The following LIFR variants were observed in gnomAD, a reference collection of about 807,000 sequenced individuals.
LIFR encodes the protein LIF receptor subunit alpha, also known as leukemia inhibitory factor receptor.
Under a neutral mutation model 122.2 loss-of-function variants are expected in LIFR, and 84 were observed. That is an observed-to-expected ratio of 0.69 (90% CI 0.58 to 0.82). LIFR has a LOEUF of 0.82. Among genes scored for constraint, LIFR ranks in the 40% least tolerant of loss-of-function variants. LIFR has a pLI of 0.00. For missense variants in LIFR, 1,294 were observed against 1,311.6 expected (o/e 0.99, Z 0.21); for synonymous variants, 422 against 434.7 (o/e 0.97, Z 0.36).
At chr5:38,556,795 T>A (rs1175868323), upstream of LIFR, 1 of 139,202 alleles carries the variant, frequency 7.2e-6, no homozygotes, top group African/African-American at 2.6e-5. Context: ...CGCGCGCGGG[T>A]GCTCCAAGGA....
chr5:38,499,794 G>C (rs1233191082), intron 11 of LIFR, among the ~76,000 whole-genome samples: 1 of 152,070 alleles, frequency 6.6e-6, no homozygotes, highest in East Asian at 1.9e-4. Context: ...TCTACCTGCA[G>C]GCCAGCTGTA....
At chr5:38,546,670 T>C (rs1747910991) in intron 1 of LIFR, among the ~76,000 whole-genome samples, 1 of 152,196 alleles carries the variant, frequency 6.6e-6, no homozygotes, top group African/African-American at 2.4e-5. Context: ...ATGTTGTCTA[T>C]CTTGCAGTAG....
At chr5:38,489,621 A>AT (rs1580010381) in intron 15 of LIFR, among the ~76,000 whole-genome samples, 4 of 152,196 alleles carry the variant, frequency 2.6e-5, no homozygotes, top group Admixed American at 2.6e-4. Flanking sequence ...CTAATTAAAT[A>AT]TTTTTGACAT....
intron 5 of LIFR, among the ~76,000 whole-genome samples, chr5:38,517,368 G>A (rs951231990): frequency 3.3e-5 from 5 of 152,110 alleles, no homozygotes; most frequent in African/African-American, 1.2e-4. Flanking sequence ...GGTTTGAGGA[G>A]TTATCCTAAG....
At chr5:38,492,079 G>A (rs1354077606) in intron 14 of LIFR, among the ~76,000 whole-genome samples, 2 of 152,188 alleles carry the variant, frequency 1.3e-5, no homozygotes, top group East Asian at 3.9e-4. Context: ...TGCCTACTAT[G>A]TGCCACTTGC....
intron 12 of LIFR, among the ~76,000 whole-genome samples, chr5:38,499,184 A>G (rs893782595): frequency 1.3e-5 from 2 of 152,154 alleles, no homozygotes; most frequent in Admixed American, 6.5e-5. Flanking sequence ...CTATTAATAG[A>G]AAAAAATATA....
intron 1 of LIFR, among the ~76,000 whole-genome samples, chr5:38,569,022 G>T (rs1279569126): frequency 1.3e-5 from 2 of 152,236 alleles, no homozygotes; most frequent in Non-Finnish European, 2.9e-5. Flanking sequence ...CCAGGAAGAG[G>T]TCATGACCTT....
intron 1 of LIFR, among the ~76,000 whole-genome samples, chr5:38,565,529 G>C (rs1326947129): frequency 6.6e-6 from 1 of 151,776 alleles, no homozygotes; most frequent in Non-Finnish European, 1.5e-5. Flanking sequence ...TATGAAATGA[G>C]ATGATGTATA....
intron 1 of LIFR, among the ~76,000 whole-genome samples, chr5:38,562,131 C>G (rs1748861896): frequency 6.6e-6 from 1 of 152,188 alleles, no homozygotes; most frequent in Admixed American, 6.5e-5. Flanking sequence ...TGAACTCTGT[C>G]CATCCCCTCT....
In LIFR at chr5:38,539,374, C is replaced by A. The variant is rs540763578; in HGVS notation, c.-19-8708G>T. On this transcript the variant is annotated intron_variant, in intron 1 of 19. Coordinates refer to ENST00000453190, the MANE Select transcript of LIFR (RefSeq NM_001127671.2). ...CATACCAGGTATTATGGAAATCATT[C>A]TCTCCCTTCCTTCCACCCTCTTTTC... Among the ~76,000 whole-genome samples, 66 of 152,136 alleles carry A rather than the reference C, an allele frequency of 4.3e-4. 1 individual carries two copies. Among genetic ancestry groups the A allele is most frequent in the Non-Finnish European group, 7.9e-4 (54 of 68,022 alleles).
intron 1 of LIFR, 138 bp from the exon 2 acceptor site, chr5:38,530,804 C>A: frequency 1.2e-6 from 1 of 816,076 alleles, no homozygotes. Context: ...TACTCAAACT[C>A]AAGCTTCCCT....
At position 38,489,062 on chromosome 5, in the gene LIFR, C is replaced by T. The variant is rs896502341; in HGVS notation, c.2335+16G>A. 1 of 1,605,328 alleles carries T rather than the reference C, an allele frequency of 6.2e-7. No individual in the cohort carries two copies. The highest frequency in any genetic ancestry group is 2.2e-5 in the East Asian group (1 of 44,728). The stretch of plus-strand genomic sequence containing the variant: ...ACTTCTAAGAAACACTTTCCTTGTG[C>T]TATCAATTTACTCACCTGATTCTAA... On this transcript the variant is annotated intron_variant, in intron 16 of 19. Coordinates refer to ENST00000453190, the MANE Select transcript of LIFR (RefSeq NM_001127671.2).
chr5:38,523,380 C>T (rs1746503177), intron 5 of LIFR, 39 bp downstream of exon 5: 1 of 1,556,270 alleles, frequency 6.4e-7, no homozygotes, highest in Non-Finnish European at 8.8e-7. Context: ...TATTCAGTTT[C>T]TTTAATGTCA....
intron 1 of LIFR, among the ~76,000 whole-genome samples, chr5:38,549,420 A>G (rs576842128): frequency 4.6e-5 from 7 of 152,272 alleles, no homozygotes; most frequent in African/African-American, 1.4e-4. Flanking sequence ...GTATTCTATC[A>G]CATGTATGCA....
Position 38,495,109 on chromosome 5 carries a change from C to T in LIFR, c.1885+1273G>A, listed in dbSNP as rs561183397. Among the ~76,000 whole-genome samples, 368 of 152,260 alleles carry T rather than the reference C, an allele frequency of 2.4e-3. 3 individuals are homozygous for T. The highest frequency in any genetic ancestry group is 3.3e-3 in the Non-Finnish European group (224 of 68,022). Reference sequence around the variant, plus strand: ...TGAGTTGAGGCTGCAGAGCCTCCCTCCACTCGGGAAATCCTCAAGGAATGA... The same window carrying T: ...TGAGTTGAGGCTGCAGAGCCTCCCTTCACTCGGGAAATCCTCAAGGAATGA... On this transcript the variant is annotated intron_variant, in intron 13 of 19. Transcript: ENST00000453190.
At chr5:38,486,107 G>C (rs1053764739) in intron 16 of LIFR, 127 bp from the exon 17 acceptor site, 1 of 809,530 alleles carries the variant, frequency 1.2e-6, no homozygotes, top group Non-Finnish European at 2.1e-6. Context: ...CAAGGACTCT[G>C]GAGCTGCCAC....
Position 38,530,735 on chromosome 5 carries a change from A to G in LIFR, c.-19-69T>C. ...AAGGCTCACCTTATACTGTGCACAC[A>G]AACACTCAAATAGATTCTGACAGAT... On this transcript the variant is annotated intron_variant, in intron 1 of 19. Coordinates refer to ENST00000453190, the MANE Select transcript of LIFR (RefSeq NM_001127671.2). 2.4e-6 allele frequency: 3 copies of G among 1,274,278 alleles called. No homozygotes were observed. In the South Asian group the frequency reaches 3.6e-5, roughly 15 times the overall value. 78.9% of individuals were successfully genotyped at this position (1,274,278 alleles called of 1,614,324 possible).
intron 5 of LIFR, among the ~76,000 whole-genome samples, chr5:38,520,090 T>C (rs66475775): frequency 0.31 from 46,664 of 152,092 alleles, 7,455 homozygotes; most frequent in East Asian, 0.42. Flanking sequence ...CCCAGTCGCA[T>C]TGTATAAGAG....
intron 14 of LIFR, among the ~76,000 whole-genome samples, chr5:38,491,847 T>C (rs375468418): frequency 6.6e-6 from 1 of 152,384 alleles, no homozygotes; most frequent in Middle Eastern, 3.4e-3. Context: ...ACATTTTTCT[T>C]TGGAGAAAGG....
Sources: allele counts gnomAD v4.1 joint callset (sites outside exome capture counted in the v4.1 genomes callset), GRCh38; gene constraint gnomAD v4.1.1; transcripts MANE v1.5; gene names NCBI Gene and HGNC (gene_info 2026-07-23, HGNC 2026-07-21).